Variants in GALNT13 observed in about 807,000 individuals in gnomAD.
GALNT13 encodes the protein polypeptide N-acetylgalactosaminyltransferase 13.
Under a neutral mutation model 64.2 loss-of-function variants are expected in GALNT13, and 28 were observed. The ratio of observed to expected loss-of-function variants is 0.44; its 90% confidence interval spans 0.32 to 0.60. The LOEUF is 0.60. Ranked by LOEUF, GALNT13 falls within the 20% of genes least tolerant of loss-of-function variation. GALNT13 has a pLI of 0.05. For missense variants in GALNT13, 577 were observed against 669.8 expected (o/e 0.86, Z 1.53); for synonymous variants, 214 against 224.6 (o/e 0.95, Z 0.42).
At chr2:153,213,432 G>C in the GALNT13 span, among the ~76,000 whole-genome samples, 1 of 152,164 alleles carries the variant, frequency 6.6e-6, no homozygotes, top group East Asian at 1.9e-4. Context: ...CCTCGGAAGG[G>C]GAGACACTAT....
At chr2:153,571,852 T>A in the GALNT13 span, among the ~76,000 whole-genome samples, 1 of 152,040 alleles carries the variant, frequency 6.6e-6, no homozygotes, top group Admixed American at 6.6e-5. Context: ...GGTTTGCTAG[T>A]ATTTTGTTGA....
chr2:153,260,660 A>C, the GALNT13 span, among the ~76,000 whole-genome samples: 2 of 152,014 alleles, frequency 1.3e-5, no homozygotes, highest in South Asian at 2.1e-4. Flanking sequence ...TTGATGTTTA[A>C]GTGTCTTGAG....
At chr2:153,265,681 G>A in the GALNT13 span, among the ~76,000 whole-genome samples, 3 of 152,116 alleles carry the variant, frequency 2.0e-5, no homozygotes, top group African/African-American at 7.2e-5. Flanking sequence ...GCTTTTTTGT[G>A]TGTAGATAAA....
chr2:153,378,311 AT>A, the GALNT13 span, among the ~76,000 whole-genome samples: 21 of 127,498 alleles, frequency 1.6e-4, 1 homozygote, highest in African/African-American at 5.1e-4. Context: ...TAGATAGATA[AT>A]TTTTTTTTTT....
chr2:153,549,378 T>A, the GALNT13 span, among the ~76,000 whole-genome samples: 12 of 152,296 alleles, frequency 7.9e-5, no homozygotes. Context: ...AAAGGATAGG[T>A]CAACGGTAGA....
the GALNT13 span, among the ~76,000 whole-genome samples, chr2:153,575,770 G>A: frequency 6.6e-6 from 1 of 152,062 alleles, no homozygotes; most frequent in Admixed American, 6.5e-5. Flanking sequence ...TCTGGCCCAG[G>A]GCAGGTCCAG....
chr2:154,340,411 A>G (rs1274173449), intron 9 of GALNT13, among the ~76,000 whole-genome samples: 1 of 152,064 alleles, frequency 6.6e-6, no homozygotes, highest in Non-Finnish European at 1.5e-5. Flanking sequence ...TAAAACATAC[A>G]TATATTCTCC....
chr2:154,327,991 T>C (rs1372735727), intron 9 of GALNT13, among the ~76,000 whole-genome samples: 1 of 152,138 alleles, frequency 6.6e-6, no homozygotes, highest in Admixed American at 6.6e-5. Flanking sequence ...TATACACTTG[T>C]ATTTGTTATA....
In GALNT13 at chr2:154,426,711, T is replaced by C. The variant is rs115808759; in HGVS notation, c.1396-11881T>C. ...TTCAGGGCAGAGTCAAGTATTAAAA[T>C]TACATAAAATTTAACATTGGTAATG... On this transcript the variant is annotated intron_variant, in intron 11 of 12. Coordinates refer to ENST00000392825, the MANE Select transcript of GALNT13 (RefSeq NM_052917.4). Among the ~76,000 whole-genome samples, 604 of 152,340 alleles carry C rather than the reference T, an allele frequency of 4.0e-3. 6 individuals carry two copies. Among genetic ancestry groups the C allele is most frequent in the African/African-American group, 0.014 (587 of 41,582 alleles).
At chr2:153,741,927 T>G in the GALNT13 span, among the ~76,000 whole-genome samples, 11 of 152,146 alleles carry the variant, frequency 7.2e-5, no homozygotes, top group Non-Finnish European at 1.3e-4. Flanking sequence ...CTGGAATAAT[T>G]AAGTCAAGCT....
chr2:153,509,085 T>C, the GALNT13 span, among the ~76,000 whole-genome samples: 8 of 152,178 alleles, frequency 5.3e-5, no homozygotes, highest in East Asian at 5.8e-4. Context: ...CTTGTGGTTA[T>C]AGAAACGTGA....
the GALNT13 span, among the ~76,000 whole-genome samples, chr2:153,442,613 C>G: frequency 6.6e-6 from 1 of 152,124 alleles, no homozygotes; most frequent in Non-Finnish European, 1.5e-5. Flanking sequence ...GCCTTAATTT[C>G]AAACATTCAA....
chr2:154,313,465 A>T (rs1172311085), intron 9 of GALNT13, among the ~76,000 whole-genome samples: 2 of 150,956 alleles, frequency 1.3e-5, no homozygotes, highest in African/African-American at 4.9e-5. Context: ...ATATATAAAT[A>T]CATATATTTA....
At chr2:153,083,302 T>A in the GALNT13 span, among the ~76,000 whole-genome samples, 1 of 152,238 alleles carries the variant, frequency 6.6e-6, no homozygotes, top group Non-Finnish European at 1.5e-5. Context: ...TCTTAAGTTC[T>A]TTAAGGAATT....
intron 3 of GALNT13, among the ~76,000 whole-genome samples, chr2:154,094,829 A>G (rs1209836012): frequency 6.6e-6 from 1 of 151,912 alleles, no homozygotes; most frequent in Non-Finnish European, 1.5e-5. Context: ...TCTTAATCTT[A>G]TGCAACTTAC....
At chr2:153,386,033 A>G in the GALNT13 span, among the ~76,000 whole-genome samples, 1 of 152,008 alleles carries the variant, frequency 6.6e-6, no homozygotes, top group Non-Finnish European at 1.5e-5. Flanking sequence ...TGAAGAATCA[A>G]TGTCAAAATA....
the GALNT13 span, among the ~76,000 whole-genome samples, chr2:153,753,905 T>A: frequency 6.6e-6 from 1 of 152,232 alleles, no homozygotes; most frequent in African/African-American, 2.4e-5. Context: ...TTACTGCAGC[T>A]GAGCTTGTAG....
the GALNT13 span, among the ~76,000 whole-genome samples, chr2:153,194,606 G>A: frequency 6.6e-6 from 1 of 152,078 alleles, no homozygotes; most frequent in East Asian, 1.9e-4. Context: ...GTCTGTTGTT[G>A]AAGAATTATT....
intron 3 of GALNT13, among the ~76,000 whole-genome samples, chr2:153,979,635 G>A (rs546798210): frequency 3.4e-4 from 52 of 152,088 alleles, no homozygotes; most frequent in South Asian, 2.7e-3. Flanking sequence ...ATACAAATGC[G>A]CATCATAATT....
Sources: allele counts gnomAD v4.1 joint callset (sites outside exome capture counted in the v4.1 genomes callset), GRCh38; gene constraint gnomAD v4.1.1; transcripts MANE v1.5; gene names NCBI Gene and HGNC (gene_info 2026-07-23, HGNC 2026-07-21).